BAIAP2L1: variants seen among roughly 807,000 people sequenced by gnomAD.
BAIAP2L1 encodes the protein BAR/IMD domain containing adaptor protein 2 like 1, also known as BAR/IMD domain-containing adapter protein 2-like 1.
Under a neutral mutation model 66.3 loss-of-function variants are expected in BAIAP2L1, and 35 were observed. That is an observed-to-expected ratio of 0.53 (90% confidence interval 0.40 to 0.70). The LOEUF is 0.70. Ranked by LOEUF, BAIAP2L1 falls within the 30% of genes least tolerant of loss-of-function variation. The pLI, the probability that BAIAP2L1 is intolerant of heterozygous loss-of-function variation, is 0.00. For missense variants in BAIAP2L1, 622 were observed against 656.9 expected, an observed-to-expected ratio of 0.95 and a Z score of 0.58; for synonymous variants, 269 against 248.7, an observed-to-expected ratio of 1.08 and a Z score of -0.77.
chr7:98,374,948 G>A (rs887666060), intron 1 of BAIAP2L1, among the ~76,000 whole-genome samples: 6 of 151,972 alleles, frequency 3.9e-5, no homozygotes, highest in African/African-American at 1.2e-4. Flanking sequence ...TTAGCTGGGC[G>A]TAGCAGTGTG....
In BAIAP2L1 at chr7:98,293,040, A is replaced by G. The variant is rs1352944225; in HGVS notation, c.*481T>C. 1.1e-6 allele frequency: 1 copy of G among 908,690 alleles called. No individual in the cohort carries two copies. The highest frequency in any genetic ancestry group is 1.4e-6 in the Non-Finnish European group (1 of 738,088). 56.3% of individuals were successfully genotyped at this position (908,690 alleles called of 1,614,324 possible). On this transcript the variant is annotated 3_prime_UTR_variant, in exon 14 of 14. Transcript: ENST00000005260. Reference sequence around the variant, plus strand: ...ATTACATTTATATAGTATTTTCATAATTTATATTGCTTAAAATTATGATTT... The same window carrying G: ...ATTACATTTATATAGTATTTTCATAGTTTATATTGCTTAAAATTATGATTT...
Position 98,298,145 on chromosome 7 carries a change from T to C in BAIAP2L1, c.1423-4034A>G, listed in dbSNP as rs549648211. On this transcript the variant is annotated intron_variant, in intron 12 of 13. Coordinates refer to ENST00000005260, the MANE Select transcript of BAIAP2L1 (RefSeq NM_018842.5). ...GTCCTGGCAAGTCTCCCCTGCCCCC[T>C]TGGGAGAAGCCCCTGCTCTCAGATC... is the stretch of plus-strand genomic sequence containing the variant. Among the ~76,000 whole-genome samples the C allele has an allele frequency of 5.9e-5, 9 of 152,304 alleles. No homozygotes were observed. In the East Asian group the frequency reaches 1.7e-3, roughly 29 times the overall value.
intron 1 of BAIAP2L1, among the ~76,000 whole-genome samples, chr7:98,389,826 A>C (rs1478314450): frequency 6.6e-6 from 1 of 151,982 alleles, no homozygotes; most frequent in Non-Finnish European, 1.5e-5. Flanking sequence ...TAAAGTCTTG[A>C]CTTTTAAAAG....
intron 1 of BAIAP2L1, among the ~76,000 whole-genome samples, chr7:98,382,112 G>A (rs1316945617): frequency 6.6e-6 from 1 of 151,762 alleles, no homozygotes. Context: ...TCAGTAGAGA[G>A]GGAGTTTCAC....
At chr7:98,330,129 T>C (rs181290161) in intron 3 of BAIAP2L1, among the ~76,000 whole-genome samples, 48 of 152,264 alleles carry the variant, frequency 3.2e-4, no homozygotes, top group Middle Eastern at 3.4e-3. Flanking sequence ...GTTCAGCTTC[T>C]AAAAGCAGCA....
chr7:98,354,577 C>G (rs1259238008), intron 3 of BAIAP2L1, among the ~76,000 whole-genome samples: 4 of 152,176 alleles, frequency 2.6e-5, no homozygotes, highest in African/African-American at 9.7e-5. Flanking sequence ...TCTGCCTGCA[C>G]AGGAGAGCGA....
At position 98,293,499 on chromosome 7, in the gene BAIAP2L1, G is replaced by C. The variant is rs779072823; in HGVS notation, c.*22C>G. ...CCGCAAGGGAGAACCGGAGAGGCCC[G>C]GGAGAGTCCTTGGCTGTCCTCTCAT... On this transcript the variant is annotated 3_prime_UTR_variant, in exon 14 of 14. Transcript: ENST00000005260. 5 of 1,606,416 alleles carry C rather than the reference G, an allele frequency of 3.1e-6. No homozygotes were observed. In the Admixed American group the frequency reaches 8.3e-5, roughly 27 times the overall value.
chr7:98,355,257 T>C, intron 2 of BAIAP2L1, 129 bp from the exon 3 acceptor site: 1 of 691,426 alleles, frequency 1.4e-6, no homozygotes, highest in African/African-American at 1.7e-5. Context: ...CAGGTGTGGC[T>C]CTCAGGAGGT....
intron 1 of BAIAP2L1, among the ~76,000 whole-genome samples, chr7:98,384,488 A>G (rs1295659039): frequency 2.0e-5 from 3 of 152,106 alleles, no homozygotes; most frequent in African/African-American, 7.2e-5. Context: ...AAAGCAATCA[A>G]TAAATTTACA....
chr7:98,297,366 C>T (rs533556697), intron 12 of BAIAP2L1, among the ~76,000 whole-genome samples: 63 of 152,262 alleles, frequency 4.1e-4, no homozygotes, highest in African/African-American at 1.3e-3. Flanking sequence ...AGAGGGGTCC[C>T]GGGCAGCTCG....
rs1040270181 is a variant in BAIAP2L1, at chr7:98,400,907, G to C, written c.-55C>G. The C allele has an allele frequency of 2.0e-6, 3 of 1,477,672 alleles. No individual in the cohort carries two copies. Among genetic ancestry groups the C allele is most frequent in the African/African-American group, 3.0e-5 (2 of 67,732 alleles). The allele number at this position is 1,477,672 out of a possible 1,614,324, so 91.5% of individuals were successfully genotyped here. On this transcript the variant is annotated 5_prime_UTR_variant, in exon 1 of 14. Transcript: ENST00000005260. Reference sequence around the variant, plus strand: ...GAGGACGCGGCTGGGCCTCGTGGCCGCCGGACTCCGGGCAGCGGGAGGGCC... The same window carrying C: ...GAGGACGCGGCTGGGCCTCGTGGCCCCCGGACTCCGGGCAGCGGGAGGGCC...
intron 1 of BAIAP2L1, among the ~76,000 whole-genome samples, chr7:98,391,230 C>A (rs1378023075): frequency 6.6e-6 from 1 of 152,092 alleles, no homozygotes; most frequent in Non-Finnish European, 1.5e-5. Context: ...AGGTGAAATA[C>A]TGGTTAGATC....
intron 3 of BAIAP2L1, among the ~76,000 whole-genome samples, chr7:98,341,437 C>T (rs1801738812): frequency 1.3e-5 from 2 of 152,108 alleles, no homozygotes; most frequent in Admixed American, 1.3e-4. Context: ...AATCTTAGCA[C>T]TCTGGGAGGC....
At chr7:98,346,087 C>A (rs1431825031) in intron 3 of BAIAP2L1, among the ~76,000 whole-genome samples, 1 of 152,096 alleles carries the variant, frequency 6.6e-6, no homozygotes, top group African/African-American at 2.4e-5. Context: ...TGTGAATATA[C>A]TAAAAACCAG....
chr7:98,311,154 G>A (rs1037513952), intron 8 of BAIAP2L1, among the ~76,000 whole-genome samples: 2 of 152,132 alleles, frequency 1.3e-5, no homozygotes, highest in South Asian at 2.1e-4. Flanking sequence ...AGTGCCTTAC[G>A]TTGTGATGAA....
At chr7:98,397,538 C>T (rs199916216) in intron 1 of BAIAP2L1, among the ~76,000 whole-genome samples, 4 of 151,920 alleles carry the variant, frequency 2.6e-5, no homozygotes, top group East Asian at 1.9e-4. Context: ...TTGGCCAGGA[C>T]GGTCTCGATC....
chr7:98,372,094 CTCTTTTAGTT>C (rs1259369645), intron 1 of BAIAP2L1, among the ~76,000 whole-genome samples: 2 of 151,890 alleles, frequency 1.3e-5, no homozygotes, highest in South Asian at 2.1e-4. Context: ...GCGCCCGGCC[CTCTTTTAGTT>C]TCTTTTAGTA....
At chr7:98,296,542 T>C (rs1584413134) in intron 12 of BAIAP2L1, among the ~76,000 whole-genome samples, 1 of 152,234 alleles carries the variant, frequency 6.6e-6, no homozygotes, top group East Asian at 1.9e-4. Flanking sequence ...GGAGAATCGC[T>C]TGAACAGGGA....
intron 3 of BAIAP2L1, among the ~76,000 whole-genome samples, chr7:98,332,014 G>A (rs571504080): frequency 6.6e-6 from 1 of 152,250 alleles, no homozygotes; most frequent in Middle Eastern, 3.4e-3. Context: ...CAGTAGGTCT[G>A]ACTTGGGAAA....
Sources: gnomAD v4.1 joint callset for allele counts (sites outside exome capture counted in the v4.1 genomes callset) on GRCh38, gnomAD v4.1.1 for gene constraint, MANE v1.5 for transcripts, NCBI Gene and HGNC (gene_info 2026-07-23, HGNC 2026-07-21) for gene names.